The following ITGB8 variants were observed in gnomAD, a reference collection of about 807,000 sequenced individuals.
The protein encoded by ITGB8 is integrin beta-8.
A neutral mutation model predicts 89.5 loss-of-function variants in ITGB8; 30 were observed. The observed-to-expected ratio is 0.34, with a 90% CI of 0.25 to 0.45. The LOEUF is 0.45. Among genes scored for constraint, ITGB8 ranks in the 20% least tolerant of loss-of-function variants. ITGB8 has a pLI of 1.00. For missense variants in ITGB8, 836 were observed against 933.3 expected, an observed-to-expected ratio of 0.90 and a Z score of 1.36; for synonymous variants, 335 against 320.4, an observed-to-expected ratio of 1.05 and a Z score of -0.49.
At chr7:20,333,806 A>G (rs1784491669) in intron 1 of ITGB8, among the ~76,000 whole-genome samples, 1 of 152,198 alleles carries the variant, frequency 6.6e-6, no homozygotes, top group Non-Finnish European at 1.5e-5. Context: ...CATGGCAGTT[A>G]AAAACATGCA....
chr7:20,359,829 A>G (rs935451235), intron 1 of ITGB8, among the ~76,000 whole-genome samples: 3 of 152,196 alleles, frequency 2.0e-5, no homozygotes, highest in African/African-American at 7.2e-5. Flanking sequence ...TTAAATTAGA[A>G]AGAAAATTCT....
chr7:20,380,785 C>T lies in ITGB8; in HGVS notation c.755C>T (p.Thr252Ile). 6.2e-7 allele frequency: 1 copy of T among 1,613,700 alleles called. No individual in the cohort carries two copies. The highest frequency in any genetic ancestry group is 8.5e-7 in the Non-Finnish European group (1 of 1,179,692). The change falls in exon 5 of 14, where the codon ACA (threonine) becomes ATA (isoleucine). Residue 252 changes from threonine (T) to isoleucine (I), a missense_variant. Around this residue, in one of 5 missense-constraint regions of ITGB8, gnomAD observed 192 missense variants for 267.1 expected, o/e 0.72. Transcript: ENST00000222573. ...HRQKISGNID[T>I]PEGGFDAMLQ... ...CAGAAGATCTCTGGAAACATAGATA[C>T]ACCAGAAGGAGGTTTTGACGCCATG... is the stretch of plus-strand genomic sequence containing the variant.
intron 1 of ITGB8, among the ~76,000 whole-genome samples, chr7:20,362,897 T>C (rs910256661): frequency 1.3e-5 from 2 of 152,180 alleles, no homozygotes; most frequent in South Asian, 4.1e-4. Flanking sequence ...GGTAAATAAT[T>C]TCTAGGCACT....
chr7:20,351,292 C>A (rs1785105056), intron 1 of ITGB8, among the ~76,000 whole-genome samples: 1 of 152,192 alleles, frequency 6.6e-6, no homozygotes, highest in Admixed American at 6.5e-5. Flanking sequence ...CTCTATTCCA[C>A]CTAAGACAGT....
intron 6 of ITGB8, among the ~76,000 whole-genome samples, chr7:20,387,149 T>G (rs1786658637): frequency 6.6e-6 from 1 of 152,244 alleles, no homozygotes; most frequent in Non-Finnish European, 1.5e-5. Context: ...GGTGTTTGTC[T>G]CTTTATGTTC....
At chr7:20,360,894 A>C (rs970520125) in intron 1 of ITGB8, among the ~76,000 whole-genome samples, 6 of 137,958 alleles carry the variant, frequency 4.3e-5, no homozygotes, top group Non-Finnish European at 7.8e-5. Context: ...CAAATGGTAG[A>C]TCTACTTTTG....
At chr7:20,373,387 A>T (rs1786013835) in intron 3 of ITGB8, among the ~76,000 whole-genome samples, 1 of 152,214 alleles carries the variant, frequency 6.6e-6, no homozygotes, top group Admixed American at 6.5e-5. Context: ...AAAATAGGAC[A>T]GAGAAGGGAA....
intron 4 of ITGB8, 127 bp from the exon 5 acceptor site, chr7:20,380,539 C>A: frequency 1.4e-6 from 1 of 703,126 alleles, no homozygotes; most frequent in Non-Finnish European, 2.4e-6. Context: ...AGATTTTCGT[C>A]GTATAAAGTT....
intron 1 of ITGB8, among the ~76,000 whole-genome samples, chr7:20,354,580 G>C (rs181451628): frequency 1.4e-4 from 22 of 152,216 alleles, no homozygotes; most frequent in African/African-American, 4.8e-4. Context: ...TTGGTATTCT[G>C]AGAGGCCTGG....
chr7:20,396,031 A>G (rs911958254), intron 8 of ITGB8, among the ~76,000 whole-genome samples: 1 of 152,224 alleles, frequency 6.6e-6, no homozygotes, highest in Non-Finnish European at 1.5e-5. Context: ...TAGTTAAATT[A>G]TAGCCAAAGC....
At chr7:20,362,264 A>G (rs993424528) in intron 1 of ITGB8, among the ~76,000 whole-genome samples, 1 of 152,206 alleles carries the variant, frequency 6.6e-6, no homozygotes, top group Non-Finnish European at 1.5e-5. Flanking sequence ...AACGGTTGGA[A>G]TATGGCTAGC....
intron 8 of ITGB8, among the ~76,000 whole-genome samples, chr7:20,398,261 G>T (rs1479543769): frequency 6.6e-6 from 1 of 152,152 alleles, no homozygotes; most frequent in Non-Finnish European, 1.5e-5. Flanking sequence ...CCAAGGACTT[G>T]GGAAAAATTC....
intron 1 of ITGB8, among the ~76,000 whole-genome samples, chr7:20,339,194 A>G (rs1784673487): frequency 2.7e-5 from 4 of 145,758 alleles, no homozygotes; most frequent in African/African-American, 1.1e-4. Flanking sequence ...CCATCTCGAA[A>G]AAAAAAAAAA....
intron 1 of ITGB8, among the ~76,000 whole-genome samples, chr7:20,357,195 C>T (rs1785324903): frequency 6.6e-6 from 1 of 152,108 alleles, no homozygotes; most frequent in African/African-American, 2.4e-5. Context: ...TCTAAGAGAT[C>T]TTCAGTAAGC....
At chr7:20,366,441 A>G (rs1018129040) in intron 2 of ITGB8, 1 of 152,272 alleles carries the variant, frequency 6.6e-6, no homozygotes, top group Non-Finnish European at 1.5e-5. Context: ...CCAGAATACT[A>G]TATTAAATTG....
intron 2 of ITGB8, chr7:20,365,431 C>G (rs1458840833): frequency 1.3e-5 from 2 of 152,174 alleles, no homozygotes; most frequent in Non-Finnish European, 2.9e-5. Context: ...CCACCAGTTT[C>G]TAATGTTATA....
At chr7:20,374,778 G>C (rs1013350915) in intron 3 of ITGB8, among the ~76,000 whole-genome samples, 11 of 152,216 alleles carry the variant, frequency 7.2e-5, no homozygotes, top group Non-Finnish European at 1.6e-4. Flanking sequence ...TAAAGATGTA[G>C]ACAAGAGTAA....
intron 8 of ITGB8, among the ~76,000 whole-genome samples, chr7:20,397,258 T>A (rs1220006513): frequency 6.6e-6 from 1 of 151,588 alleles, no homozygotes; most frequent in Non-Finnish European, 1.5e-5. Flanking sequence ...GGAATTTTAC[T>A]CTGTCTTGCC....
chr7:20,385,246 A>T (rs577087725), intron 6 of ITGB8, among the ~76,000 whole-genome samples: 2 of 152,356 alleles, frequency 1.3e-5, no homozygotes, highest in South Asian at 4.1e-4. Flanking sequence ...AATGAACCTT[A>T]TCAATGGGAT....
Sources: allele counts gnomAD v4.1 joint callset (sites outside exome capture counted in the v4.1 genomes callset), GRCh38; gene constraint gnomAD v4.1.1; regional missense constraint gnomAD v4.1.1; transcripts MANE v1.5; gene names NCBI Gene and HGNC (gene_info 2026-07-23, HGNC 2026-07-21).